IMMP2L: variants seen among roughly 807,000 people sequenced by gnomAD.
IMMP2L encodes inner mitochondrial membrane peptidase subunit 2.
IMMP2L carries 18 observed loss-of-function variants against 19.3 expected under a neutral mutation model. The ratio of observed to expected loss-of-function variants is 0.93; its 90% CI spans 0.64 to 1.38. The LOEUF (loss-of-function observed/expected upper bound fraction) is 1.38. Among genes scored for constraint, IMMP2L ranks in the 40% most tolerant of loss-of-function variants. IMMP2L has a pLI of 0.00. For missense variants in IMMP2L, 233 were observed against 218.2 expected, an observed-to-expected ratio of 1.07 and a Z score of -0.43; for synonymous variants, 76 against 73.0, an observed-to-expected ratio of 1.04 and a Z score of -0.21.
intron 1 of IMMP2L, among the ~76,000 whole-genome samples, chr7:111,533,042 C>G (rs1206263649): frequency 6.6e-6 from 1 of 151,974 alleles, no homozygotes; most frequent in Non-Finnish European, 1.5e-5. Flanking sequence ...GCAACAAAGG[C>G]CAAGTTAGCA....
chr7:110,768,549 G>A (rs1160270475), intron 5 of IMMP2L, among the ~76,000 whole-genome samples: 1 of 152,046 alleles, frequency 6.6e-6, no homozygotes, highest in Non-Finnish European at 1.5e-5. Flanking sequence ...TAGCCATAAT[G>A]AACTACTTTT....
chr7:111,391,961 C>A (rs1482077035), intron 3 of IMMP2L: 1 of 703,198 alleles, frequency 1.4e-6, no homozygotes, highest in Admixed American at 2.0e-5. Context: ...TAGGCTAACT[C>A]TTCTCGGTTG....
intron 5 of IMMP2L, among the ~76,000 whole-genome samples, chr7:110,751,723 G>A (rs1333171714): frequency 1.3e-5 from 2 of 151,906 alleles, no homozygotes; most frequent in South Asian, 2.1e-4. Context: ...TGCATTTTGT[G>A]AATGAAAATA....
chr7:111,549,759 G>C (rs1246318310), intron 1 of IMMP2L, among the ~76,000 whole-genome samples: 2 of 152,056 alleles, frequency 1.3e-5, no homozygotes, highest in Non-Finnish European at 2.9e-5. Flanking sequence ...GGCCAATATA[G>C]TGAGACCTCC....
rs897177896 is a variant in IMMP2L, at chr7:111,024,428, C to CTTGG, written c.240-60867_240-60864dup. ...ACTTTATCCTAGGAACTCCAAATGC[C>CTTGG]TTGGTCTTCCCAGATTCTCAGCTCC... On this transcript the variant is annotated intron_variant, in intron 3 of 5. Transcript: ENST00000405709. Among the ~76,000 whole-genome samples the CTTGG allele has an allele frequency of 7.9e-5, 12 of 152,214 alleles. No homozygotes were observed. In the South Asian group the frequency reaches 1.9e-3, roughly 24 times the overall value.
chr7:110,986,293 C>G (rs1821844098), intron 3 of IMMP2L, among the ~76,000 whole-genome samples: 1 of 152,098 alleles, frequency 6.6e-6, no homozygotes, highest in South Asian at 2.1e-4. Context: ...AACTTCCTAC[C>G]CCTGGCCCAT....
chr7:111,297,026 C>T (rs1424641913), intron 3 of IMMP2L, among the ~76,000 whole-genome samples: 1 of 151,678 alleles, frequency 6.6e-6, no homozygotes, highest in Non-Finnish European at 1.5e-5. Context: ...TTGCCAAGGG[C>T]CCACAAAAGT....
chr7:110,741,474 G>A, intron 5 of IMMP2L, among the ~76,000 whole-genome samples: 1 of 152,140 alleles, frequency 6.6e-6, no homozygotes, highest in East Asian at 1.9e-4. Context: ...AAGATCCAAG[G>A]GAATTTATTT....
chr7:111,370,742 CAGTTT>C (rs1479579854), intron 3 of IMMP2L, among the ~76,000 whole-genome samples: 1 of 151,868 alleles, frequency 6.6e-6, no homozygotes, highest in African/African-American at 2.4e-5. Flanking sequence ...TCCCCTAAAC[CAGTTT>C]AGTATATAGC....
Position 111,096,655 on chromosome 7 carries a change from G to GA in IMMP2L, c.240-133091dup, listed in dbSNP as rs555606020. Among the ~76,000 whole-genome samples, 23 of 151,758 alleles carry GA rather than the reference G, an allele frequency of 1.5e-4. No individual in the cohort carries two copies. The South Asian group carries it at 3.1e-3, about 21-fold the overall frequency. ...CACTTGGCAAAGGTCTCAAAAACTG[G>GA]AAAAAATGAGATGAGTAAATTATTT... On this transcript the variant is annotated intron_variant, in intron 3 of 5. Coordinates refer to ENST00000405709, the MANE Select transcript of IMMP2L (RefSeq NM_032549.4).
intron 3 of IMMP2L, among the ~76,000 whole-genome samples, chr7:111,006,868 C>A (rs1824341124): frequency 6.6e-6 from 1 of 152,160 alleles, no homozygotes; most frequent in South Asian, 2.1e-4. Flanking sequence ...GTTTCTTTCC[C>A]TCTGCTGAAT....
chr7:111,044,789 A>G lies in IMMP2L; in HGVS notation c.240-81224T>C, dbSNP rs546346907. Among the ~76,000 whole-genome samples the G allele has an allele frequency of 5.1e-4, 78 of 152,298 alleles. No individual in the cohort carries two copies. The Middle Eastern group carries it at 0.014, about 27-fold the overall frequency. ...TCCCATCAACAAGTTACAAATATGT[A>G]AGTGGGCTTTAAGTGAACTAATGAA... On this transcript the variant is annotated intron_variant, in intron 3 of 5. Transcript: ENST00000405709.
chr7:111,526,834 G>A (rs1416754245), intron 1 of IMMP2L, among the ~76,000 whole-genome samples: 1 of 152,152 alleles, frequency 6.6e-6, no homozygotes, highest in South Asian at 2.1e-4. Context: ...TCACAAAACA[G>A]CTGAGGATAC....
chr7:111,092,349 C>A (rs192708009), intron 3 of IMMP2L, among the ~76,000 whole-genome samples: 105 of 152,272 alleles, frequency 6.9e-4, no homozygotes, highest in South Asian at 2.1e-3. Flanking sequence ...TTGTTCTAAC[C>A]AACTGCTATA....
At chr7:110,827,822 C>T (rs903086254) in intron 5 of IMMP2L, among the ~76,000 whole-genome samples, 3 of 152,074 alleles carry the variant, frequency 2.0e-5, no homozygotes, top group Admixed American at 1.3e-4. Context: ...TAAAGACATA[C>T]TAATATCATC....
intron 3 of IMMP2L, among the ~76,000 whole-genome samples, chr7:111,333,596 G>T (rs1826093890): frequency 6.6e-6 from 1 of 151,992 alleles, no homozygotes; most frequent in Non-Finnish European, 1.5e-5. Context: ...GTCTGTGAGG[G>T]TGCTACCAAA....
intron 3 of IMMP2L, among the ~76,000 whole-genome samples, chr7:110,975,805 AT>A (rs1820629407): frequency 6.6e-6 from 1 of 152,136 alleles, no homozygotes; most frequent in South Asian, 2.1e-4. Flanking sequence ...CTTACCACAC[AT>A]AAAAAATGAA....
chr7:110,951,538 GGTGTGTGTGTGTGTGTGT>G (rs10598353), intron 4 of IMMP2L, among the ~76,000 whole-genome samples: 1 of 149,650 alleles, frequency 6.7e-6, no homozygotes, highest in African/African-American at 2.5e-5. Flanking sequence ...ATGTATATAT[GGTGTGTGTGTGTGTGTGT>G]GTGTGTATGT....
intron 5 of IMMP2L, among the ~76,000 whole-genome samples, chr7:110,774,466 A>T (rs2131040696): frequency 6.6e-6 from 1 of 152,210 alleles, no homozygotes; most frequent in South Asian, 2.1e-4. Flanking sequence ...TCCAGAAGGA[A>T]ACAAAAAACC....
Sources: gnomAD v4.1 joint callset for allele counts (sites outside exome capture counted in the v4.1 genomes callset) on GRCh38, gnomAD v4.1.1 for gene constraint, MANE v1.5 for transcripts, NCBI Gene and HGNC (gene_info 2026-07-23, HGNC 2026-07-21) for gene names.